Variants in CLSTN1 observed in about 807,000 individuals in gnomAD.
The protein encoded by CLSTN1 is calsyntenin 1.
Under a neutral mutation model 108.3 loss-of-function variants are expected in CLSTN1, and 28 were observed. The ratio of observed to expected loss-of-function variants is 0.26; its 90% CI spans 0.19 to 0.35. CLSTN1 has a LOEUF of 0.35. Ranked by LOEUF, CLSTN1 falls within the 10% of genes least tolerant of loss-of-function variation. CLSTN1 has a pLI of 1.00. For synonymous variants in CLSTN1, 524 were observed against 534.9 expected (o/e 0.98, Z 0.28); for missense variants, 1,157 against 1,302.6 (o/e 0.89, Z 1.72).
At position 9,737,426 on chromosome 1, in the gene CLSTN1, C is replaced by T. The variant is rs1310756790; in HGVS notation, c.1576+72G>A. The T allele has an allele frequency of 2.1e-5, 29 of 1,413,132 alleles. No homozygotes were observed. In the South Asian group the frequency reaches 2.2e-4, roughly 11 times the overall value. The allele number at this position is 1,413,132 out of a possible 1,614,324, so 87.5% of individuals were successfully genotyped here. On this transcript the variant is annotated intron_variant, in intron 11 of 18. Transcript: ENST00000377298. ...CAAAATGCAACTGGGGCGTTTCATGCGACACGTGGAATGAATCAGTCTCAT... is the reference window on the plus strand; with the variant it reads ...CAAAATGCAACTGGGGCGTTTCATGTGACACGTGGAATGAATCAGTCTCAT...
At chr1:9,753,109 G>A (rs1231327259) in intron 4 of CLSTN1, among the ~76,000 whole-genome samples, 1 of 152,058 alleles carries the variant, frequency 6.6e-6, no homozygotes, top group East Asian at 1.9e-4. Context: ...GTGGGAGGAT[G>A]GTTTTGGGAT....
intron 1 of CLSTN1, among the ~76,000 whole-genome samples, chr1:9,796,036 C>G (rs1285331004): frequency 7.0e-6 from 1 of 143,168 alleles, no homozygotes; most frequent in African/African-American, 2.6e-5. Context: ...CCAAGGTGGC[C>G]GGATCACTTG....
intron 17 of CLSTN1, 76 bp from the exon 18 acceptor site, chr1:9,731,466 T>C: frequency 6.7e-7 from 1 of 1,482,876 alleles, no homozygotes; most frequent in Non-Finnish European, 9.3e-7. Context: ...TCCTCGGCTG[T>C]GCCTGGTCAA....
chr1:9,818,164 T>A (rs1464748787), intron 1 of CLSTN1, among the ~76,000 whole-genome samples: 1 of 151,788 alleles, frequency 6.6e-6, no homozygotes, highest in Non-Finnish European at 1.5e-5. Context: ...TATGCCACCA[T>A]GCCCAGCTAA....
chr1:9,760,412 G>T (rs1652015165), intron 2 of CLSTN1, among the ~76,000 whole-genome samples: 1 of 152,138 alleles, frequency 6.6e-6, no homozygotes, highest in Admixed American at 6.6e-5. Flanking sequence ...CATCTGCAGG[G>T]TCAGCCAGTA....
intron 1 of CLSTN1, among the ~76,000 whole-genome samples, chr1:9,793,753 T>C (rs1036207217): frequency 2.0e-5 from 3 of 151,522 alleles, no homozygotes; most frequent in Non-Finnish European, 4.4e-5. Flanking sequence ...TGCTGCTATC[T>C]TGTGTTTTAG....
intron 1 of CLSTN1, among the ~76,000 whole-genome samples, chr1:9,816,064 A>C (rs1307937206): frequency 6.6e-6 from 1 of 152,254 alleles, no homozygotes; most frequent in Non-Finnish European, 1.5e-5. Context: ...AAAAATGTTC[A>C]TAGTAATATT....
chr1:9,765,289 C>G (rs1258634203), intron 2 of CLSTN1, among the ~76,000 whole-genome samples: 1 of 152,004 alleles, frequency 6.6e-6, no homozygotes, highest in African/African-American at 2.4e-5. Flanking sequence ...GAGACTGATA[C>G]AGGAGAATCG....
intron 4 of CLSTN1, among the ~76,000 whole-genome samples, chr1:9,754,196 C>T (rs1170267979): frequency 4.6e-5 from 7 of 152,174 alleles, no homozygotes; most frequent in African/African-American, 9.7e-5. Flanking sequence ...CAGACTTTTT[C>T]AATTTTTAAT....
intron 7 of CLSTN1, among the ~76,000 whole-genome samples, chr1:9,748,068 A>T (rs1438728589): frequency 6.6e-6 from 1 of 151,808 alleles, no homozygotes; most frequent in Non-Finnish European, 1.5e-5. Flanking sequence ...AAAACCAGTA[A>T]CCTAAATCTC....
At chr1:9,781,048 A>G in intron 1 of CLSTN1, 1 of 556,400 alleles carries the variant, frequency 1.8e-6, no homozygotes, top group East Asian at 3.0e-5. Flanking sequence ...TGGGATTAAG[A>G]GTATCCAACC....
chr1:9,754,244 A>C (rs114747243), intron 4 of CLSTN1, among the ~76,000 whole-genome samples: 3,533 of 152,300 alleles, frequency 0.023, 49 homozygotes, highest in Non-Finnish European at 0.034. Flanking sequence ...ATTTGGTGTG[A>C]TAAAATTATT....
Position 9,773,373 on chromosome 1 carries a change from A to T in CLSTN1, c.113T>A (p.Leu38Gln). ...AARVNKHKPWLEPTYHGIVTE... is the reference protein window; with the variant it reads ...AARVNKHKPWQEPTYHGIVTE... ...GACTATGCCGTGGTAGGTGGGCTCCAGCCAGGGCTTGTGCTTGTTAACTGT... is the reference window on the plus strand; with the variant it reads ...GACTATGCCGTGGTAGGTGGGCTCCTGCCAGGGCTTGTGCTTGTTAACTGT... Residue 38 changes from leucine (L) to glutamine (Q), a missense_variant, in exon 2 of 19, where the codon CTG (leucine) becomes CAG (glutamine). Transcript: ENST00000377298. 6.2e-7 allele frequency: 1 copy of T among 1,613,758 alleles called. No individual in the cohort carries two copies. The highest frequency in any genetic ancestry group is 8.5e-7 in the Non-Finnish European group (1 of 1,179,778).
Position 9,789,660 on chromosome 1 carries a change from TC to T in CLSTN1, c.92-16267del, listed in dbSNP as rs536234491. 5.3e-4 allele frequency among the ~76,000 whole-genome samples: 81 copies of T among 151,552 alleles called. 1 individual carries two copies. Among genetic ancestry groups the T allele is most frequent in the Admixed American group, 3.7e-3 (55 of 14,988 alleles). ...ACAACTCTTTTTAAAACTAACCATA[TC>T]AAGTCCAATAGAGCTTAAAGGTAAA... is the stretch of plus-strand genomic sequence containing the variant. On this transcript the variant is annotated intron_variant, in intron 1 of 18. Coordinates refer to ENST00000377298, the MANE Select transcript of CLSTN1 (RefSeq NM_001009566.3).
At chr1:9,805,631 C>T (rs1189518558) in intron 1 of CLSTN1, among the ~76,000 whole-genome samples, 2 of 152,096 alleles carry the variant, frequency 1.3e-5, no homozygotes, top group Non-Finnish European at 2.9e-5. Context: ...CTTTGGGAGG[C>T]CGAGGCAAGT....
chr1:9,822,429 C>T (rs569060723), intron 1 of CLSTN1, among the ~76,000 whole-genome samples: 5 of 152,262 alleles, frequency 3.3e-5, no homozygotes, highest in South Asian at 4.1e-4. Flanking sequence ...ATACTTCTCT[C>T]CTTATGTCAC....
At position 9,734,887 on chromosome 1, in the gene CLSTN1, C is replaced by T. The variant is rs1373248444; in HGVS notation, c.2110+61G>A. 5 of 1,400,678 alleles carry T rather than the reference C, an allele frequency of 3.6e-6. No homozygotes were observed. The highest frequency in any genetic ancestry group is 5.1e-6 in the Non-Finnish European group (5 of 987,916). 86.8% of individuals were successfully genotyped at this position (1,400,678 alleles called of 1,614,324 possible). ...CAGAGACAAAGAGCCCCGCCAAGTA[C>T]ATGGGGACAATGGGGTTTCCGGCCG... On this transcript the variant is annotated intron_variant, in intron 14 of 18. Transcript: ENST00000377298. The surrounding 1 kb of genome is among the most constrained non-coding windows in gnomAD (Gnocchi z 4.8).
chr1:9,797,414 C>T (rs938642754), intron 1 of CLSTN1, among the ~76,000 whole-genome samples: 2 of 152,184 alleles, frequency 1.3e-5, no homozygotes, highest in African/African-American at 4.8e-5. Context: ...TGGGGACAAT[C>T]ACTTAAGCCA....
chr1:9,745,796 G>T (rs1287085799), intron 7 of CLSTN1, among the ~76,000 whole-genome samples: 10 of 136,198 alleles, frequency 7.3e-5, no homozygotes, highest in Admixed American at 2.2e-4. Context: ...TTGAGACAGG[G>T]TCTCCTCTCT....
Sources: allele counts gnomAD v4.1 joint callset (sites outside exome capture counted in the v4.1 genomes callset), GRCh38; gene constraint gnomAD v4.1.1; non-coding constraint Gnocchi (gnomAD v3.1); transcripts MANE v1.5; gene names NCBI Gene and HGNC (gene_info 2026-07-23, HGNC 2026-07-21).